The following EIF2S2 variants were observed in gnomAD, a reference collection of about 807,000 sequenced individuals.
EIF2S2 encodes eukaryotic translation initiation factor 2 subunit beta.
Under a neutral mutation model 44.0 loss-of-function variants are expected in EIF2S2, and 4 were observed. The observed-to-expected ratio is 0.09, with a 90% CI of 0.04 to 0.21. The LOEUF is 0.21. EIF2S2 is among the 10% of genes least tolerant of loss of function. The pLI, the probability that EIF2S2 is intolerant of heterozygous loss-of-function variation, is 1.00. For missense variants in EIF2S2, 154 were observed against 392.0 expected (o/e 0.39, Z 5.13); for synonymous variants, 108 against 128.3 (o/e 0.84, Z 1.07).
In EIF2S2 at chr20:34,089,550, G is replaced by C. The variant is rs994941502; in HGVS notation, c.*180C>G. ...CGTTTCTCTGACAGGTGTTAAAGTA[G>C]GCAATGAGTATGTCAACAGCTTGAG... On this transcript the variant is annotated 3_prime_UTR_variant, in exon 9 of 9. Transcript: ENST00000374980. 3 of 586,876 alleles carry C rather than the reference G, an allele frequency of 5.1e-6. No homozygotes were observed. The highest frequency in any genetic ancestry group is 8.7e-6 in the Non-Finnish European group (3 of 345,190). The allele number at this position is 586,876 out of a possible 1,614,324, so 36.4% of individuals were successfully genotyped here. A position where few individuals can be genotyped will look rare whatever the true frequency, so the allele number is the denominator to read the frequency against.
chr20:34,103,710 CTTT>C (rs869170048), intron 2 of EIF2S2, 145 bp from the exon 3 acceptor site: 583 of 961,140 alleles, frequency 6.1e-4, no homozygotes, highest in East Asian at 1.6e-3. Flanking sequence ...ACTTATGGTT[CTTT>C]TTTTTTTTTT....
At chr20:34,109,164 G>A (rs779265084) in intron 1 of EIF2S2, among the ~76,000 whole-genome samples, 8 of 151,784 alleles carry the variant, frequency 5.3e-5, no homozygotes, top group Non-Finnish European at 1.0e-4. Flanking sequence ...ATCCCATTTT[G>A]AATCAAATAC....
intron 1 of EIF2S2, among the ~76,000 whole-genome samples, chr20:34,106,691 C>A (rs756803362): frequency 1.1e-4 from 17 of 152,136 alleles, no homozygotes; most frequent in South Asian, 2.1e-4. Context: ...TTCAGCCTCC[C>A]AGTGTTAGGA....
At position 34,089,355 on chromosome 20, in the gene EIF2S2, ACT is replaced by A. The variant is rs775993056; in HGVS notation, c.*373_*374del. 15 of 176,022 alleles carry A rather than the reference ACT, an allele frequency of 8.5e-5. No individual in the cohort carries two copies. Among genetic ancestry groups the A allele is most frequent in the Non-Finnish European group, 1.5e-4 (13 of 84,246 alleles). 10.9% of individuals were successfully genotyped at this position (176,022 alleles called of 1,614,324 possible). ...GTTTCTCAGTCAGAGCCCGGCACAC[ACT>A]GTTTTATATGGTTGGTTTCTTGCTG... On this transcript the variant is annotated 3_prime_UTR_variant, in exon 9 of 9. Coordinates refer to ENST00000374980, the MANE Select transcript of EIF2S2 (RefSeq NM_003908.5).
intron 3 of EIF2S2, among the ~76,000 whole-genome samples, chr20:34,100,488 A>G (rs6142098): frequency 1.3e-5 from 2 of 151,980 alleles, no homozygotes; most frequent in Non-Finnish European, 2.9e-5. Context: ...GGGATCCCTT[A>G]CTCATTAATT....
intron 7 of EIF2S2, among the ~76,000 whole-genome samples, chr20:34,091,776 TGGGG>T (rs1555812046): frequency 1.3e-4 from 12 of 95,806 alleles, no homozygotes; most frequent in African/African-American, 4.3e-4. Context: ...TTTATTTTTT[TGGGG>T]GGGGGGGGTC....
chr20:34,107,178 GA>G (rs772405929), intron 1 of EIF2S2, among the ~76,000 whole-genome samples: 17 of 143,276 alleles, frequency 1.2e-4, no homozygotes, highest in East Asian at 2.0e-4. Context: ...ACTCGGTCTC[GA>G]AAAAAAAAAA....
chr20:34,100,163 C>T (rs931279917), intron 3 of EIF2S2, among the ~76,000 whole-genome samples: 2 of 152,258 alleles, frequency 1.3e-5, no homozygotes, highest in East Asian at 1.9e-4. Flanking sequence ...TAGAGGCGCA[C>T]GCCACCACAC....
rs970080467 is a variant in EIF2S2, at chr20:34,088,381, T to G, written c.*1349A>C. On this transcript the variant is annotated 3_prime_UTR_variant, in exon 9 of 9. Transcript: ENST00000374980. Reference sequence around the variant, plus strand: ...ACATTGGGAATCGTGTGGGTGTAGATACAAAAAAAGGAAAATGGGGGCATA... The same window carrying G: ...ACATTGGGAATCGTGTGGGTGTAGAGACAAAAAAAGGAAAATGGGGGCATA... 11 of 151,598 alleles carry G rather than the reference T, an allele frequency of 7.3e-5. No individual in the cohort carries two copies. Among genetic ancestry groups the G allele is most frequent in the African/African-American group, 2.5e-4 (10 of 40,508 alleles). 9.4% of individuals were successfully genotyped at this position (151,598 alleles called of 1,614,324 possible). A position where few individuals can be genotyped will look rare whatever the true frequency, so the allele number is the denominator to read the frequency against.
chr20:34,111,974 T>C (rs2034418774), intron 1 of EIF2S2, 122 bp downstream of exon 1: 2 of 1,148,822 alleles, frequency 1.7e-6, no homozygotes, highest in Admixed American at 4.2e-5. Flanking sequence ...CCGGGCCGCC[T>C]AGGCGCGGCT....
chr20:34,099,180 C>G (rs1012834735), intron 3 of EIF2S2, among the ~76,000 whole-genome samples: 3 of 152,024 alleles, frequency 2.0e-5, no homozygotes, highest in Non-Finnish European at 4.4e-5. Flanking sequence ...ACCAGCCTGG[C>G]CAACATGGTA....
chr20:34,098,067 G>C, intron 4 of EIF2S2, among the ~76,000 whole-genome samples: 1 of 152,094 alleles, frequency 6.6e-6, no homozygotes, highest in East Asian at 1.9e-4. Context: ...CCAACATGGA[G>C]AAACTCCCAT....
At chr20:34,108,217 G>A (rs960347773) in intron 1 of EIF2S2, 1 of 152,156 alleles carries the variant, frequency 6.6e-6, no homozygotes, top group African/African-American at 2.4e-5. Context: ...CCTCACAAGT[G>A]CCTTCTTATC....
intron 1 of EIF2S2, among the ~76,000 whole-genome samples, chr20:34,110,024 C>T (rs967079654): frequency 6.6e-6 from 1 of 150,930 alleles, no homozygotes; most frequent in South Asian, 2.1e-4. Context: ...TTGCTTGAAC[C>T]CAGGAGGCGG....
intron 7 of EIF2S2, among the ~76,000 whole-genome samples, chr20:34,091,825 A>G (rs1205344428): frequency 6.7e-6 from 1 of 150,282 alleles, no homozygotes; most frequent in African/African-American, 2.5e-5. Flanking sequence ...AAGAGAAAGA[A>G]TAGCTCTGTC....
intron 3 of EIF2S2, 25 bp downstream of exon 3, chr20:34,103,437 A>G: frequency 6.5e-7 from 1 of 1,527,942 alleles, no homozygotes; most frequent in South Asian, 1.2e-5. Flanking sequence ...GTCAAATTTT[A>G]CCTTCAACAA....
intron 3 of EIF2S2, among the ~76,000 whole-genome samples, chr20:34,101,522 G>A (rs1332252142): frequency 6.6e-6 from 1 of 152,092 alleles, no homozygotes; most frequent in East Asian, 1.9e-4. Context: ...TAGTCTCTAA[G>A]TCAATAAATA....
At chr20:34,094,941 T>C (rs1189986448) in intron 6 of EIF2S2, among the ~76,000 whole-genome samples, 2 of 152,344 alleles carry the variant, frequency 1.3e-5, no homozygotes, top group South Asian at 4.1e-4. Flanking sequence ...GAGTATGAAC[T>C]GGCACGACCT....
In EIF2S2 at chr20:34,099,850, A is replaced by T. The variant is rs954498258; in HGVS notation, c.298-1217T>A. 5.3e-5 allele frequency among the ~76,000 whole-genome samples: 8 copies of T among 152,330 alleles called. 1 individual carries two copies. In the South Asian group the frequency reaches 6.2e-4, roughly 12 times the overall value. On this transcript the variant is annotated intron_variant, in intron 3 of 8. Coordinates refer to ENST00000374980, the MANE Select transcript of EIF2S2 (RefSeq NM_003908.5). ...ACATAAGCAATGCATAGGACAAGTT[A>T]TGGGGGTGGGAGCTGAGGGGTGGCA...
Sources: gnomAD v4.1 joint callset for allele counts (sites outside exome capture counted in the v4.1 genomes callset) on GRCh38, gnomAD v4.1.1 for gene constraint, MANE v1.5 for transcripts, NCBI Gene and HGNC (gene_info 2026-07-23, HGNC 2026-07-21) for gene names.